Variants in LRP1B observed in about 807,000 individuals in gnomAD.
LRP1B encodes the protein LDL receptor related protein 1B, also known as low-density lipoprotein receptor-related protein 1B.
Under a neutral mutation model 556.6 loss-of-function variants are expected in LRP1B, and 217 were observed. That is an observed-to-expected ratio of 0.39 (90% confidence interval 0.35 to 0.44). The LOEUF (loss-of-function observed/expected upper bound fraction) is 0.44, where lower values mean the gene tolerates loss of function less well. LRP1B is among the 20% of genes least tolerant of loss of function. The probability of loss-of-function intolerance (pLI) is 1.00; values close to 1 mark genes in which losing one functional copy is unlikely to be tolerated. For synonymous variants in LRP1B, 2,047 were observed against 1,865.8 expected, an observed-to-expected ratio of 1.10 and a Z score of -2.50; for missense variants, 5,053 against 5,620.8, an observed-to-expected ratio of 0.90 and a Z score of 3.23.
At chr2:140,389,446 G>A (rs989597777) in intron 66 of LRP1B, among the ~76,000 whole-genome samples, 4 of 150,788 alleles carry the variant, frequency 2.7e-5, no homozygotes, top group African/African-American at 7.3e-5. Context: ...AATTTAAGAA[G>A]GTAATAAAAT....
chr2:141,047,664 T>G (rs1698914919), intron 11 of LRP1B, among the ~76,000 whole-genome samples: 1 of 152,154 alleles, frequency 6.6e-6, no homozygotes, highest in Admixed American at 6.6e-5. Flanking sequence ...TTCACTTACC[T>G]TCAAGGCCCT....
At chr2:141,571,161 AG>A (rs139030075) in intron 2 of LRP1B, among the ~76,000 whole-genome samples, 16,853 of 151,034 alleles carry the variant, frequency 0.11, 1,701 homozygotes, top group African/African-American at 0.23. Context: ...TATTGGCATC[AG>A]GTTATAGCCC....
At chr2:140,409,321 A>G (rs1184320276) in intron 66 of LRP1B, among the ~76,000 whole-genome samples, 1 of 151,994 alleles carries the variant, frequency 6.6e-6, no homozygotes, top group Non-Finnish European at 1.5e-5. Context: ...GCAGTGAAAA[A>G]GCAAATTTAT....
intron 25 of LRP1B, among the ~76,000 whole-genome samples, chr2:140,883,330 C>G (rs967149268): frequency 1.3e-5 from 2 of 152,114 alleles, no homozygotes; most frequent in East Asian, 3.9e-4. Flanking sequence ...CACTGGACTC[C>G]TTCAAGCTTA....
intron 3 of LRP1B, among the ~76,000 whole-genome samples, chr2:141,463,918 G>T (rs1325225382): frequency 6.7e-6 from 1 of 148,202 alleles, no homozygotes; most frequent in African/African-American, 2.5e-5. Flanking sequence ...TTCTGATTTT[G>T]GGGGGCCATA....
chr2:141,805,788 A>G (rs1285901961), intron 2 of LRP1B: 2 of 152,192 alleles, frequency 1.3e-5, no homozygotes, highest in Non-Finnish European at 2.9e-5. Flanking sequence ...AATATGCAGC[A>G]GAGATCGTAT....
intron 2 of LRP1B, among the ~76,000 whole-genome samples, chr2:141,520,039 C>T (rs1308700362): frequency 1.3e-5 from 2 of 152,070 alleles, no homozygotes; most frequent in Non-Finnish European, 2.9e-5. Flanking sequence ...AGAGAGGATA[C>T]CCACTTGAAC....
chr2:141,074,336 T>A (rs1374861002), intron 7 of LRP1B, among the ~76,000 whole-genome samples: 2 of 152,092 alleles, frequency 1.3e-5, no homozygotes, highest in Non-Finnish European at 2.9e-5. Context: ...ATCTTTTCTG[T>A]TTTTCCAATA....
chr2:141,710,828 T>C (rs1483049723), intron 2 of LRP1B, among the ~76,000 whole-genome samples: 3 of 152,192 alleles, frequency 2.0e-5, no homozygotes, highest in Non-Finnish European at 4.4e-5. Context: ...ATTCATTAAC[T>C]TGAGAGCTTA....
At chr2:140,655,032 G>GTATATATA (rs145869246) in intron 41 of LRP1B, among the ~76,000 whole-genome samples, 1 of 147,162 alleles carries the variant, frequency 6.8e-6, no homozygotes, top group Admixed American at 6.9e-5. Context: ...GTATATGTAT[G>GTATATATA]TATATATATA....
chr2:141,723,560 G>T (rs1692920425), intron 2 of LRP1B, among the ~76,000 whole-genome samples: 1 of 151,736 alleles, frequency 6.6e-6, no homozygotes, highest in South Asian at 2.1e-4. Flanking sequence ...AGAATGAAGA[G>T]AAAAGGCAGG....
intron 2 of LRP1B, among the ~76,000 whole-genome samples, chr2:141,488,921 C>T (rs10496883): frequency 4.0e-5 from 6 of 151,366 alleles, no homozygotes; most frequent in South Asian, 2.1e-4. Flanking sequence ...AGATTTCTAA[C>T]GTACCATTAA....
chr2:141,061,437 T>A (rs1319934785), intron 8 of LRP1B, among the ~76,000 whole-genome samples: 3 of 151,792 alleles, frequency 2.0e-5, no homozygotes, highest in Admixed American at 2.0e-4. Context: ...TAAGGCTGAT[T>A]TCTACTTAGA....
intron 82 of LRP1B, 79 bp from the exon 83 acceptor site, chr2:140,315,178 T>G: frequency 2.1e-6 from 2 of 950,434 alleles, no homozygotes. Context: ...GATACAATAT[T>G]TAAATACTAG....
At chr2:141,697,394 C>A (rs1327730220) in intron 2 of LRP1B, among the ~76,000 whole-genome samples, 1 of 151,904 alleles carries the variant, frequency 6.6e-6, no homozygotes, top group African/African-American at 2.4e-5. Flanking sequence ...TAGGCTCAAT[C>A]TCATTTACTC....
intron 60 of LRP1B, among the ~76,000 whole-genome samples, chr2:140,471,229 G>C (rs1022407369): frequency 2.6e-5 from 4 of 151,554 alleles, no homozygotes; most frequent in African/African-American, 9.7e-5. Flanking sequence ...ACTTATTTGC[G>C]AACTTTATTC....
chr2:141,362,397 G>A lies in LRP1B; in HGVS notation c.344-107756C>T, dbSNP rs373456586. On this transcript the variant is annotated intron_variant, in intron 3 of 90. Coordinates refer to ENST00000389484, the MANE Select transcript of LRP1B (RefSeq NM_018557.3). ...TGGGGCAATAGGAGGGCATCTGCAA[G>A]TAGCCAGCAGATGGGCATGGCAGTG... Among the ~76,000 whole-genome samples the A allele has an allele frequency of 4.6e-5, 7 of 152,320 alleles. No individual in the cohort carries two copies. In the South Asian group the frequency reaches 1.4e-3, roughly 32 times the overall value.
chr2:141,967,780 T>A (rs1340270028), intron 1 of LRP1B, among the ~76,000 whole-genome samples: 1 of 151,854 alleles, frequency 6.6e-6, no homozygotes, highest in Non-Finnish European at 1.5e-5. Flanking sequence ...ATGAACTGAT[T>A]TGCTATGTAT....
At chr2:141,329,663 A>AAAAAC (rs1553497047) in intron 3 of LRP1B, among the ~76,000 whole-genome samples, 26 of 137,446 alleles carry the variant, frequency 1.9e-4, no homozygotes, top group African/African-American at 2.4e-4. Flanking sequence ...AAAAAAAAAA[A>AAAAAC]AACTATCTCT....
Sources: gnomAD v4.1 joint callset for allele counts (sites outside exome capture counted in the v4.1 genomes callset) on GRCh38, gnomAD v4.1.1 for gene constraint, MANE v1.5 for transcripts, NCBI Gene and HGNC (gene_info 2026-07-23, HGNC 2026-07-21) for gene names.